ABL1: variants seen among roughly 807,000 people sequenced by gnomAD.
ABL1 encodes the protein tyrosine-protein kinase ABL1.
A neutral mutation model predicts 94.7 loss-of-function variants in ABL1; 11 were observed. The observed-to-expected ratio is 0.12, with a 90% CI of 0.07 to 0.19. The LOEUF (loss-of-function observed/expected upper bound fraction) is 0.19. Among genes scored for constraint, ABL1 ranks in the 10% least tolerant of loss-of-function variants. The pLI is 1.00. For synonymous variants in ABL1, 656 were observed against 622.4 expected (o/e 1.05, Z -0.80); for missense variants, 1,082 against 1,489.4 (o/e 0.73, Z 4.50).
At chr9:130,816,408 A>T (rs1588250783) in intron 1 of ABL1, among the ~76,000 whole-genome samples, 3 of 152,060 alleles carry the variant, frequency 2.0e-5, no homozygotes, top group South Asian at 4.2e-4. Context: ...TCCTGGACTC[A>T]AACGATCCTC....
At chr9:130,770,839 T>A (rs557545488) in intron 1 of ABL1, among the ~76,000 whole-genome samples, 1 of 152,292 alleles carries the variant, frequency 6.6e-6, no homozygotes, top group South Asian at 2.1e-4. Context: ...CCCGGTACTA[T>A]CACATTCCCA....
At chr9:130,755,774 G>C (rs1832034284) in intron 1 of ABL1, among the ~76,000 whole-genome samples, 1 of 152,096 alleles carries the variant, frequency 6.6e-6, no homozygotes, top group South Asian at 2.1e-4. Flanking sequence ...GGTTTGTAGG[G>C]GTTGGTGGAA....
At chr9:130,877,808 A>G (rs1197590172) in intron 7 of ABL1, among the ~76,000 whole-genome samples, 1 of 129,320 alleles carries the variant, frequency 7.7e-6, no homozygotes, top group Admixed American at 7.5e-5. Context: ...ACCTGGCTAA[A>G]TTTTTTTTTT....
intron 1 of ABL1, among the ~76,000 whole-genome samples, chr9:130,765,865 A>G (rs1360092162): frequency 6.6e-6 from 1 of 152,248 alleles, no homozygotes; most frequent in Non-Finnish European, 1.5e-5. Flanking sequence ...AATCCTGGCA[A>G]TGACCAAACT....
rs1831539655 is a variant in ABL1, at chr9:130,884,785, A to G, written c.2495A>G (p.His832Arg). 2 of 1,610,482 alleles carry G rather than the reference A, an allele frequency of 1.2e-6. No individual in the cohort carries two copies. The highest frequency in any genetic ancestry group is 1.7e-5 in the Admixed American group (1 of 59,798). ...VTVAPASGLPHKEEAGKGSAL... is the reference protein window; with the variant it reads ...VTVAPASGLPRKEEAGKGSAL... ...GTGGCCCCTGCCTCGGGCCTCCCCCACAAGGAAGAAGCTGGAAAGGGCAGT... is the reference window on the plus strand; with the variant it reads ...GTGGCCCCTGCCTCGGGCCTCCCCCGCAAGGAAGAAGCTGGAAAGGGCAGT... The change falls in exon 11 of 11, where the codon CAC (histidine) becomes CGC (arginine). Residue 832 changes from histidine to arginine, a missense_variant. Physicochemically the swap from His to Arg is conservative, Grantham distance 29. Around this residue, in one of 7 missense-constraint regions of ABL1, gnomAD observed 780 missense variants for 835.8 expected, o/e 0.93. Coordinates refer to ENST00000318560, the MANE Select transcript of ABL1 (RefSeq NM_005157.6). This position sits in a 1 kb window ranked among gnomAD's most constrained non-coding sequence, Gnocchi z 5.6.
intron 1 of ABL1, among the ~76,000 whole-genome samples, chr9:130,720,296 G>C (rs1301694763): frequency 6.6e-6 from 1 of 152,166 alleles, no homozygotes; most frequent in Non-Finnish European, 1.5e-5. Flanking sequence ...CAGGGAATGG[G>C]GTAGGAGGTG....
upstream of ABL1, chr9:130,833,931 T>C: frequency 2.3e-6 from 1 of 436,384 alleles, no homozygotes; most frequent in Non-Finnish European, 4.7e-6. Flanking sequence ...ACAATGCTAG[T>C]TATTTGACCA....
At position 130,797,244 on chromosome 9, in the gene ABL1, A is replaced by G. The variant is rs1240921971; in HGVS notation, c.137-56820A>G. Among the ~76,000 whole-genome samples, 95 of 87,430 alleles carry G rather than the reference A, an allele frequency of 1.1e-3. 2 individuals carry two copies. Among genetic ancestry groups the G allele is most frequent in the African/African-American group, 5.3e-3 (68 of 12,914 alleles). 57.4% of individuals were successfully genotyped at this position (87,430 alleles called of 152,430 possible). On this transcript the variant is annotated intron_variant, in intron 1 of 10. Transcript: ENST00000372348. ...GAGTGAGACTCCATCTCGAAAAAAA[A>G]AAAAAAAAAAAAAAAAAAAAAGAAC...
At chr9:130,754,824 G>A (rs769910959) in intron 1 of ABL1, among the ~76,000 whole-genome samples, 7 of 152,144 alleles carry the variant, frequency 4.6e-5, no homozygotes, top group African/African-American at 1.7e-4. Flanking sequence ...CTAGGGAATA[G>A]ATAGGGCCTC....
At chr9:130,819,850 C>T (rs1830337106) in intron 1 of ABL1, among the ~76,000 whole-genome samples, 1 of 149,656 alleles carries the variant, frequency 6.7e-6, no homozygotes, top group African/African-American at 2.5e-5. Context: ...TGAAAAATAC[C>T]TACTTTTTTT....
chr9:130,816,451 G>T lies in ABL1; in HGVS notation c.137-37613G>T, dbSNP rs539309059. Among the ~76,000 whole-genome samples the T allele has an allele frequency of 4.0e-5, 6 of 151,754 alleles. No individual in the cohort carries two copies. The South Asian group carries it at 1.3e-3, about 32-fold the overall frequency. ...AGCTTCCCAAAGTGCTGGGATTACA[G>T]GTGTGAGCTACCACACCCGGCCCCG... is the stretch of plus-strand genomic sequence containing the variant. On this transcript the variant is annotated intron_variant, in intron 1 of 10. Coordinates refer to the ABL1 transcript ENST00000372348.
At chr9:130,806,627 CA>C (rs1830128274) in intron 1 of ABL1, among the ~76,000 whole-genome samples, 1 of 148,634 alleles carries the variant, frequency 6.7e-6, no homozygotes, top group Admixed American at 6.7e-5. Context: ...CCAGCCTGGA[CA>C]ACAAAGTGAA....
chr9:130,873,741 G>A (rs941504035), intron 6 of ABL1, among the ~76,000 whole-genome samples: 7 of 152,204 alleles, frequency 4.6e-5, no homozygotes, highest in Non-Finnish European at 1.0e-4. Context: ...GGCCTGTGCA[G>A]GACAGAGCCT....
chr9:130,714,524 T>G (rs767064198), intron 1 of ABL1: 5 of 1,593,958 alleles, frequency 3.1e-6, no homozygotes, highest in African/African-American at 1.3e-5. Context: ...CAAGGAACTT[T>G]GAACAACAGT....
Position 130,877,465 on chromosome 9 carries a change from A to G in ABL1, c.1271-950A>G, listed in dbSNP as rs867157967. Among the ~76,000 whole-genome samples, 59 of 148,198 alleles carry G rather than the reference A, an allele frequency of 4.0e-4. 3 individuals carry two copies. The Middle Eastern group carries it at 0.01, about 26-fold the overall frequency. On this transcript the variant is annotated intron_variant, in intron 7 of 10. Transcript: ENST00000318560. ...GTTAGGCACAGAGCTGGTTGGTCAC[A>G]GAGCTAAGAGTTAACATGGCCAGCT...
chr9:130,859,958 C>T (rs1055571496), intron 3 of ABL1, among the ~76,000 whole-genome samples: 4 of 152,068 alleles, frequency 2.6e-5, no homozygotes, highest in East Asian at 1.9e-4. Flanking sequence ...GGATTACAGG[C>T]GTGAGCCACT....
chr9:130,760,732 G>C (rs930145115), intron 1 of ABL1, among the ~76,000 whole-genome samples: 1 of 150,520 alleles, frequency 6.6e-6, no homozygotes, highest in African/African-American at 2.4e-5. Flanking sequence ...GCGCGATCTC[G>C]GCTCACTGCA....
intron 1 of ABL1, among the ~76,000 whole-genome samples, chr9:130,815,483 T>A (rs1182514647): frequency 1.3e-5 from 2 of 152,128 alleles, no homozygotes; most frequent in African/African-American, 2.4e-5. Flanking sequence ...TCTTTTTCTG[T>A]CAAACCCCGT....
chr9:130,848,873 A>G (rs1345279139), intron 1 of ABL1, among the ~76,000 whole-genome samples: 2 of 152,152 alleles, frequency 1.3e-5, no homozygotes. Context: ...CGGAAGGTGA[A>G]GGTTGCAGTG....
Sources: allele counts gnomAD v4.1 joint callset (sites outside exome capture counted in the v4.1 genomes callset), GRCh38; gene constraint gnomAD v4.1.1; regional missense constraint gnomAD v4.1.1; non-coding constraint Gnocchi (gnomAD v3.1); transcripts MANE v1.5; gene names NCBI Gene and HGNC (gene_info 2026-07-23, HGNC 2026-07-21).